MESP1: variants seen among roughly 807,000 people sequenced by gnomAD.
MESP1 encodes mesoderm posterior protein 1.
MESP1 carries 22 observed loss-of-function variants against 15.2 expected under a neutral mutation model. That is an observed-to-expected ratio of 1.45 (90% CI 1.04 to 2.07). The LOEUF (loss-of-function observed/expected upper bound fraction) is 2.07, where lower values mean the gene tolerates loss of function less well. MESP1 is among the 30% of genes most tolerant of loss of function. The pLI, the probability that MESP1 is intolerant of heterozygous loss-of-function variation, is 0.00. For missense variants in MESP1, 484 were observed against 411.9 expected, an observed-to-expected ratio of 1.17 and a Z score of -1.51; for synonymous variants, 216 against 192.6, an observed-to-expected ratio of 1.12 and a Z score of -1.01.
At chr15:89,733,281 A>G in the MESP1 span, 21 of 1,513,148 alleles carry the variant, frequency 1.4e-5, no homozygotes, top group Non-Finnish European at 1.6e-5. Context: ...TTGCTATTTG[A>G]TAGTAAAATC....
At chr15:89,746,517 A>G (rs1450643762), downstream of MESP1, among the ~76,000 whole-genome samples, 3 of 137,486 alleles carry the variant, frequency 2.2e-5, no homozygotes, top group African/African-American at 9.1e-5. Context: ...ACACACACAC[A>G]GCCCAACCTC....
downstream of MESP1, chr15:89,748,567 T>C (rs767445037): frequency 6.6e-6 from 1 of 152,212 alleles, no homozygotes; most frequent in Non-Finnish European, 1.5e-5. Context: ...GGAAGATTAT[T>C]GGGCAATAAA....
chr15:89,746,789 C>CCACA (rs370443651), downstream of MESP1, among the ~76,000 whole-genome samples: 3 of 127,506 alleles, frequency 2.4e-5, no homozygotes, highest in Non-Finnish European at 4.8e-5. Context: ...CCCTACCTCC[C>CCACA]CACACACACA....
the MESP1 span, chr15:89,743,452 G>A: frequency 6.6e-7 from 1 of 1,517,648 alleles, no homozygotes; most frequent in Non-Finnish European, 9.1e-7. Context: ...GCTGCTCCCA[G>A]GACACTGAGG....
At chr15:89,744,437 C>CAG in the MESP1 span, among the ~76,000 whole-genome samples, 2 of 152,230 alleles carry the variant, frequency 1.3e-5, no homozygotes, top group African/African-American at 2.4e-5. Context: ...GGTGCTCTGG[C>CAG]AGCTCTCTGG....
At chr15:89,744,285 G>A in the MESP1 span, among the ~76,000 whole-genome samples, 7 of 152,210 alleles carry the variant, frequency 4.6e-5, no homozygotes, top group African/African-American at 1.7e-4. Context: ...CAACTTCCAT[G>A]TGGCACTGAT....
At chr15:89,737,534 TCCAGTAGAAGC>T in the MESP1 span, 3 of 1,613,056 alleles carry the variant, frequency 1.9e-6, no homozygotes, top group Non-Finnish European at 2.5e-6. Context: ...AGGGACAGAG[TCCAGTAGAAGC>T]CCCCCTCACC....
downstream of MESP1, chr15:89,749,560 C>G (rs1419994791): frequency 6.5e-6 from 1 of 153,626 alleles, no homozygotes; most frequent in African/African-American, 2.4e-5. Flanking sequence ...GATGTACATA[C>G]AATAAATACT....
downstream of MESP1, chr15:89,748,975 C>T (rs920768993): frequency 5.3e-5 from 8 of 152,218 alleles, no homozygotes; most frequent in Admixed American, 6.5e-5. Flanking sequence ...GAGGGGAGAA[C>T]TGGGTATCTA....
chr15:89,746,427 C>G (rs542391125), downstream of MESP1, among the ~76,000 whole-genome samples: 184 of 143,030 alleles, frequency 1.3e-3, 1 homozygote, highest in African/African-American at 4.5e-3. Flanking sequence ...ACATCCACAC[C>G]GCATCCACAC....
chr15:89,742,229 C>T, the MESP1 span, among the ~76,000 whole-genome samples: 1 of 151,790 alleles, frequency 6.6e-6, no homozygotes, highest in South Asian at 2.1e-4. Flanking sequence ...TCTACATCTA[C>T]ATCTATAAAT....
downstream of MESP1, among the ~76,000 whole-genome samples, chr15:89,746,057 G>C: frequency 1.9e-5 from 2 of 104,248 alleles, no homozygotes. Context: ...ATCCACACCT[G>C]ACACCTCCAC....
At chr15:89,738,251 G>A in the MESP1 span, 3 of 1,576,406 alleles carry the variant, frequency 1.9e-6, no homozygotes, top group African/African-American at 4.1e-5. Flanking sequence ...AGAGCTCTGT[G>A]TCTTCACCCC....
chr15:89,738,015 A>T, the MESP1 span: 9 of 1,587,470 alleles, frequency 5.7e-6, no homozygotes, highest in Non-Finnish European at 6.9e-6. Flanking sequence ...TGTTACACAG[A>T]ACATGGTGTT....
At chr15:89,744,885 C>T (rs79149054), downstream of MESP1, among the ~76,000 whole-genome samples, 2,382 of 152,298 alleles carry the variant, frequency 0.016, 70 homozygotes, top group African/African-American at 0.054. Flanking sequence ...TGGACCACCC[C>T]TTCCCAATAG....
rs761463823 is a variant in MESP1 at position 89,751,212 on chromosome 15, G to A, written c.20C>T (p.Pro7Leu). Residue 7 changes from proline to leucine, a missense_variant, in exon 1 of 2, where the codon CCG becomes CTG. Physicochemically the swap from Pro to Leu is moderately conservative, Grantham distance 98. Coordinates refer to ENST00000300057, the MANE Select transcript of MESP1 (RefSeq NM_018670.4). The stretch of plus-strand genomic sequence containing the variant: ...GAGCATCCAGGACTCGGAGAGCGGC[G>A]GGCACAGGGGCTGGGCCATGGCAGC... The part of the protein sequence containing the change: MAQPLC[P>L]PLSESWMLSA... 4.5e-5 allele frequency: 56 copies of A among 1,248,432 alleles called. No individual in the cohort carries two copies. The highest frequency in any genetic ancestry group is 5.6e-5 in the Non-Finnish European group (56 of 997,902). The allele number at this position is 1,248,432 out of a possible 1,614,324, so 77.3% of individuals were successfully genotyped here. A position where few individuals can be genotyped will look rare whatever the true frequency, so the allele number is the denominator to read the frequency against.
At chr15:89,750,403 C>A in intron 1 of MESP1, 106 bp downstream of exon 1, 1 of 1,455,140 alleles carries the variant, frequency 6.9e-7, no homozygotes, top group Non-Finnish European at 9.1e-7. Context: ...GCCAGGTGGC[C>A]AGGCTGCCGG....
At chr15:89,741,366 C>T in the MESP1 span, among the ~76,000 whole-genome samples, 1 of 151,960 alleles carries the variant, frequency 6.6e-6, no homozygotes, top group Non-Finnish European at 1.5e-5. Context: ...CAACTGGGGC[C>T]ACAGGCATGC....
chr15:89,745,605 T>C (rs148011605), downstream of MESP1, among the ~76,000 whole-genome samples: 810 of 151,962 alleles, frequency 5.3e-3, 5 homozygotes, highest in Non-Finnish European at 9.0e-3. The surrounding 1 kb of genome is among the most constrained non-coding windows in gnomAD (Gnocchi z 4.8). Context: ...CTACTAAAAA[T>C]ACAAAAAATT....
Sources: gnomAD v4.1 joint callset for allele counts (sites outside exome capture counted in the v4.1 genomes callset) on GRCh38, gnomAD v4.1.1 for gene constraint, Gnocchi (gnomAD v3.1) non-coding constraint, MANE v1.5 for transcripts, NCBI Gene and HGNC (gene_info 2026-07-23, HGNC 2026-07-21) for gene names.